Variants in AKAP6 observed in about 807,000 individuals in gnomAD.
AKAP6 encodes A-kinase anchor protein 6.
A neutral mutation model predicts 188.5 loss-of-function variants in AKAP6; 58 were observed. The ratio of observed to expected loss-of-function variants is 0.31; its 90% CI spans 0.25 to 0.38. The LOEUF (loss-of-function observed/expected upper bound fraction) is 0.38. AKAP6 is among the 10% of genes least tolerant of loss of function. The probability of loss-of-function intolerance (pLI) is 1.00; values close to 1 mark genes in which losing one functional copy is unlikely to be tolerated. For synonymous variants in AKAP6, 989 were observed against 998.6 expected (o/e 0.99, Z 0.18); for missense variants, 2,710 against 2,740.0 (o/e 0.99, Z 0.24).
intron 2 of AKAP6, among the ~76,000 whole-genome samples, chr14:32,440,439 C>A (rs992247510): frequency 6.6e-6 from 1 of 151,838 alleles, no homozygotes; most frequent in East Asian, 1.9e-4. Context: ...TGTAACAAAC[C>A]TGCACATTGT....
chr14:32,429,959 G>C (rs1890159930), intron 1 of AKAP6, among the ~76,000 whole-genome samples: 1 of 152,094 alleles, frequency 6.6e-6, no homozygotes, highest in South Asian at 2.1e-4. Flanking sequence ...CATCTGTTTT[G>C]TCAGTCTTAA....
rs1036936630 is a variant in AKAP6, at chr14:32,786,304, T to G, written c.3588+12411T>G. On this transcript the variant is annotated intron_variant, in intron 12 of 13. Coordinates refer to ENST00000280979, the MANE Select transcript of AKAP6 (RefSeq NM_004274.5). ...GAAAGACCTAAACCTTTATCTTTTTTTTTTTTTTTTTTTTTTTTTTTGAGA... is the reference window on the plus strand; with the variant it reads ...GAAAGACCTAAACCTTTATCTTTTTGTTTTTTTTTTTTTTTTTTTTTGAGA... Among the ~76,000 whole-genome samples the G allele has an allele frequency of 3.5e-4, 26 of 74,798 alleles. 3 individuals carry two copies. Among genetic ancestry groups the G allele is most frequent in the East Asian group, 2.3e-3 (4 of 1,774 alleles). 49.1% of individuals were successfully genotyped at this position (74,798 alleles called of 152,430 possible).
rs1291750696 is a variant in AKAP6 at position 32,830,863 on chromosome 14, G to A, written c.*1058G>A. The A allele has an allele frequency of 6.6e-6, 1 of 152,496 alleles. No individual in the cohort carries two copies. The highest frequency in any genetic ancestry group is 2.4e-5 in the African/African-American group (1 of 41,426). 9.4% of individuals were successfully genotyped at this position (152,496 alleles called of 1,614,324 possible). A position where few individuals can be genotyped will look rare whatever the true frequency, so the allele number is the denominator to read the frequency against. On this transcript the variant is annotated 3_prime_UTR_variant, in exon 14 of 14. Transcript: ENST00000280979. ...GTTCTTTACCAAATTGTTGCATCTG[G>A]TTCTGAAAAAGTATAGCATGTAGCA...
intron 2 of AKAP6, among the ~76,000 whole-genome samples, chr14:32,530,015 TTTTTTTTTGGA>T (rs1882331037): frequency 6.8e-6 from 1 of 147,532 alleles, no homozygotes; most frequent in Non-Finnish European, 1.5e-5. Flanking sequence ...TTTAAGACAG[TTTTTTTTTGGA>T]GACAGGTTCT....
chr14:32,770,466 CATTAGA>C (rs1310663850), intron 11 of AKAP6, among the ~76,000 whole-genome samples: 1 of 152,152 alleles, frequency 6.6e-6, no homozygotes, highest in Non-Finnish European at 1.5e-5. Flanking sequence ...AACATGATCT[CATTAGA>C]TATCAAGGAA....
In AKAP6 at chr14:32,534,829, G is replaced by A. The variant is rs1331264739; in HGVS notation, c.325-725G>A. ...AAAAACACAAAAATTAGCGGGGCGT[G>A]TGGCAGCCGCCTGTAATCTCAGCTA... On this transcript the variant is annotated intron_variant, in intron 2 of 13. Transcript: ENST00000280979. 3.3e-5 allele frequency among the ~76,000 whole-genome samples: 5 copies of A among 151,978 alleles called. No individual in the cohort carries two copies. In the East Asian group the frequency reaches 5.8e-4, roughly 18 times the overall value.
Position 32,398,882 on chromosome 14 carries a change from TTCTC to T in AKAP6, c.-34-34576_-34-34573del, listed in dbSNP as rs548045696. ...TTTTTTTTTTTTTTTGATGGAGTCTTTCTCTGTCGCCCAGGCTGGAGTGCAGTGA... is the reference window on the plus strand; with the variant it reads ...TTTTTTTTTTTTTTTGATGGAGTCTTTGTCGCCCAGGCTGGAGTGCAGTGA... On this transcript the variant is annotated intron_variant, in intron 1 of 13. Transcript: ENST00000280979. Among the ~76,000 whole-genome samples, 714 of 146,848 alleles carry T rather than the reference TTCTC, an allele frequency of 4.9e-3. 3 individuals carry two copies. The highest frequency in any genetic ancestry group is 8.6e-3 in the Non-Finnish European group (570 of 66,350).
At chr14:32,549,036 C>T (rs1354712715) in intron 4 of AKAP6, among the ~76,000 whole-genome samples, 1 of 152,028 alleles carries the variant, frequency 6.6e-6, no homozygotes, top group South Asian at 2.1e-4. Flanking sequence ...GGTTTATAAA[C>T]AAAGAGGAAA....
chr14:32,544,762 T>C (rs1031958484), intron 3 of AKAP6, among the ~76,000 whole-genome samples: 1 of 152,244 alleles, frequency 6.6e-6, no homozygotes, highest in Non-Finnish European at 1.5e-5. Context: ...TTAATTATTC[T>C]ACTTAAAAAT....
At chr14:32,608,860 C>T (rs548464082) in intron 7 of AKAP6, among the ~76,000 whole-genome samples, 1 of 152,202 alleles carries the variant, frequency 6.6e-6, no homozygotes, top group African/African-American at 2.4e-5. Context: ...GCATTTTGTG[C>T]TAGGTAGTGG....
intron 2 of AKAP6, among the ~76,000 whole-genome samples, chr14:32,521,447 C>T (rs1335644491): frequency 6.6e-6 from 1 of 152,202 alleles, no homozygotes; most frequent in African/African-American, 2.4e-5. Context: ...CCCATCATCT[C>T]AGCCTAAAAT....
chr14:32,727,140 G>T (rs2030913341), intron 9 of AKAP6, among the ~76,000 whole-genome samples: 1 of 152,126 alleles, frequency 6.6e-6, no homozygotes, highest in South Asian at 2.1e-4. Context: ...GTATGATCAA[G>T]ATAGTTCTTA....
At chr14:32,462,732 A>T (rs2208466) in intron 2 of AKAP6, among the ~76,000 whole-genome samples, 1 of 152,088 alleles carries the variant, frequency 6.6e-6, no homozygotes, top group African/African-American at 2.4e-5. Flanking sequence ...AACAATATTT[A>T]CCTTAAATGT....
At chr14:32,334,771 G>T (rs1030916405) in intron 1 of AKAP6, among the ~76,000 whole-genome samples, 3 of 152,224 alleles carry the variant, frequency 2.0e-5, no homozygotes, top group Middle Eastern at 3.4e-3. Context: ...TTGAATTCCT[G>T]AGTTGGCTTT....
intron 3 of AKAP6, among the ~76,000 whole-genome samples, chr14:32,537,978 T>C (rs1882762071): frequency 6.6e-6 from 1 of 152,202 alleles, no homozygotes; most frequent in African/African-American, 2.4e-5. Context: ...AGCAGTTTAG[T>C]GCATTCTTAT....
intron 1 of AKAP6, among the ~76,000 whole-genome samples, chr14:32,427,366 T>C (rs1468029106): frequency 6.6e-6 from 1 of 152,180 alleles, no homozygotes; most frequent in Non-Finnish European, 1.5e-5. Flanking sequence ...TAGGAGCATC[T>C]TACAGAAGCC....
chr14:32,609,615 T>C (rs1886265727), intron 7 of AKAP6, among the ~76,000 whole-genome samples: 1 of 151,986 alleles, frequency 6.6e-6, no homozygotes, highest in African/African-American at 2.4e-5. Flanking sequence ...AGCAAGGTTG[T>C]GGACCTCCCT....
intron 1 of AKAP6, among the ~76,000 whole-genome samples, chr14:32,421,086 A>G (rs972127514): frequency 6.6e-6 from 1 of 152,118 alleles, no homozygotes; most frequent in Non-Finnish European, 1.5e-5. Context: ...AGAAATCCAA[A>G]TCAATCTGAT....
At chr14:32,807,019 A>C (rs918782051) in intron 12 of AKAP6, among the ~76,000 whole-genome samples, 1 of 151,736 alleles carries the variant, frequency 6.6e-6, no homozygotes, top group Non-Finnish European at 1.5e-5. Flanking sequence ...GCCCCACTGC[A>C]CTCCAGCCTG....
Sources: gnomAD v4.1 joint callset for allele counts (sites outside exome capture counted in the v4.1 genomes callset) on GRCh38, gnomAD v4.1.1 for gene constraint, MANE v1.5 for transcripts, NCBI Gene and HGNC (gene_info 2026-07-23, HGNC 2026-07-21) for gene names.